MYO16: variants seen among roughly 807,000 people sequenced by gnomAD.
MYO16 encodes the protein myosin XVI.
MYO16 carries 94 observed loss-of-function variants against 205.3 expected under a neutral mutation model. The ratio of observed to expected loss-of-function variants is 0.46; its 90% confidence interval spans 0.39 to 0.54. MYO16 has a LOEUF of 0.54. Ranked by LOEUF, MYO16 falls within the 20% of genes least tolerant of loss-of-function variation. The pLI, the probability that MYO16 is intolerant of heterozygous loss-of-function variation, is 0.00. For synonymous variants in MYO16, 988 were observed against 954.0 expected (o/e 1.04, Z -0.66); for missense variants, 2,315 against 2,387.5 (o/e 0.97, Z 0.63).
chr13:108,860,350 T>C (rs762323042), intron 11 of MYO16, among the ~76,000 whole-genome samples: 1 of 152,220 alleles, frequency 6.6e-6, no homozygotes, highest in Non-Finnish European at 1.5e-5. Context: ...TTGTTCTTTT[T>C]TATGGCTGCA....
In MYO16 at chr13:109,206,837, TGTG is replaced by T. The variant is rs562949864; in HGVS notation, c.*3_*5del. ...TGAGCTCTGGGACACCACCATTTGA[TGTG>T]GCCTGAACTGCAGACTTACAAAATA... On this transcript the variant is annotated 3_prime_UTR_variant, in exon 35 of 35. Transcript: ENST00000457511. 14 of 1,613,344 alleles carry T rather than the reference TGTG, an allele frequency of 8.7e-6. No homozygotes were observed. The highest frequency in any genetic ancestry group is 1.1e-5 in the Non-Finnish European group (13 of 1,179,610).
At chr13:108,909,120 A>G (rs1881143478) in intron 15 of MYO16, among the ~76,000 whole-genome samples, 2 of 152,204 alleles carry the variant, frequency 1.3e-5, no homozygotes, top group South Asian at 2.1e-4. Flanking sequence ...TGCCAAACAT[A>G]CAGTCATAAT....
chr13:109,089,627 A>G (rs1594075972), intron 27 of MYO16, among the ~76,000 whole-genome samples: 1 of 152,168 alleles, frequency 6.6e-6, no homozygotes, highest in Non-Finnish European at 1.5e-5. Context: ...CATCTCCCAT[A>G]TTGATTTAGA....
rs570689995 is a variant in MYO16 at position 109,031,861 on chromosome 13, G to A, written c.2796+11950G>A. 2.0e-5 allele frequency among the ~76,000 whole-genome samples: 3 copies of A among 152,286 alleles called. No individual in the cohort carries two copies. The South Asian group carries it at 6.2e-4, about 32-fold the overall frequency. ...ACTTGGCACTCACAGACCCAATTCAGTAACTAAGAACTGTAATCGTCAAAA... is the reference window on the plus strand; with the variant it reads ...ACTTGGCACTCACAGACCCAATTCAATAACTAAGAACTGTAATCGTCAAAA... On this transcript the variant is annotated intron_variant, in intron 23 of 34. Transcript: ENST00000457511.
intron 27 of MYO16, among the ~76,000 whole-genome samples, chr13:109,090,019 A>G (rs1888567336): frequency 1.3e-5 from 2 of 152,208 alleles, no homozygotes; most frequent in African/African-American, 2.4e-5. Flanking sequence ...CATGGGAAAG[A>G]CGTTTGCAGC....
intron 16 of MYO16, among the ~76,000 whole-genome samples, chr13:108,911,034 AACACACACAC>A (rs113296282): frequency 1.4e-5 from 2 of 138,448 alleles, no homozygotes; most frequent in African/African-American, 2.7e-5. Flanking sequence ...TATAGGAGAA[AACACACACAC>A]ACACACACAC....
the MYO16 span, among the ~76,000 whole-genome samples, chr13:108,578,738 C>G: frequency 6.6e-6 from 1 of 152,162 alleles, no homozygotes; most frequent in Non-Finnish European, 1.5e-5. Flanking sequence ...ATACACATCA[C>G]TAAGAGCATT....
intron 1 of MYO16, among the ~76,000 whole-genome samples, chr13:108,618,480 G>A (rs1879426774): frequency 6.6e-6 from 1 of 152,186 alleles, no homozygotes; most frequent in South Asian, 2.1e-4. Context: ...ACAGACAGGA[G>A]CACCTCACAG....
At chr13:108,873,911 A>C (rs1879198965) in intron 12 of MYO16, among the ~76,000 whole-genome samples, 1 of 152,378 alleles carries the variant, frequency 6.6e-6, no homozygotes, top group East Asian at 1.9e-4. Flanking sequence ...GAAAATAGAA[A>C]GCCAGATGTT....
chr13:109,171,552 A>T (rs1878923299), intron 33 of MYO16, among the ~76,000 whole-genome samples: 2 of 152,326 alleles, frequency 1.3e-5, no homozygotes, highest in African/African-American at 4.8e-5. Context: ...CACTTACTTT[A>T]ATTGCCATCC....
chr13:108,825,552 G>A (rs567346880), intron 9 of MYO16, among the ~76,000 whole-genome samples: 9 of 150,586 alleles, frequency 6.0e-5, no homozygotes, highest in African/African-American at 9.7e-5. Flanking sequence ...ATTGTATTGC[G>A]GTTTTAGCTT....
At chr13:109,067,605 C>T (rs994337265) in intron 27 of MYO16, among the ~76,000 whole-genome samples, 5 of 152,122 alleles carry the variant, frequency 3.3e-5, no homozygotes, top group Admixed American at 6.6e-5. Flanking sequence ...CACATCAGGA[C>T]GGCACTGTGA....
chr13:108,702,683 T>C (rs990913717), intron 2 of MYO16, among the ~76,000 whole-genome samples: 51 of 152,276 alleles, frequency 3.3e-4, no homozygotes, highest in Non-Finnish European at 4.6e-4. Context: ...TTTAATTATA[T>C]TTAAAACATA....
At chr13:108,926,720 G>A (rs1438980617) in intron 16 of MYO16, among the ~76,000 whole-genome samples, 5 of 152,232 alleles carry the variant, frequency 3.3e-5, no homozygotes, top group East Asian at 1.9e-4. Flanking sequence ...CAGTGCCATC[G>A]ACATTCACCA....
the MYO16 span, among the ~76,000 whole-genome samples, chr13:108,498,106 A>G: frequency 1.3e-5 from 2 of 152,212 alleles, no homozygotes; most frequent in African/African-American, 4.8e-5. Flanking sequence ...TGGAACTGTG[A>G]TATTTGAAAA....
Position 109,152,103 on chromosome 13 carries a change from C to T in MYO16, c.5164+10727C>T, listed in dbSNP as rs529252134. On this transcript the variant is annotated intron_variant, in intron 32 of 34. Coordinates refer to ENST00000457511, the MANE Select transcript of MYO16 (RefSeq NM_001198950.3). ...AGATCCTATAAGGCAAAATAGCATA[C>T]ATTTTTAAAATTTTTTATGAGAATT... is the stretch of plus-strand genomic sequence containing the variant. Among the ~76,000 whole-genome samples the T allele has an allele frequency of 4.6e-5, 7 of 152,266 alleles. No homozygotes were observed. In the South Asian group the frequency reaches 1.5e-3, roughly 32 times the overall value.
At chr13:109,058,967 CTT>C (rs770039917) in intron 27 of MYO16, among the ~76,000 whole-genome samples, 1 of 152,136 alleles carries the variant, frequency 6.6e-6, no homozygotes, top group Admixed American at 6.6e-5. Context: ...CAAGAAAACA[CTT>C]TGTTCATCCA....
At chr13:108,821,195 G>A (rs1356093691) in intron 8 of MYO16, among the ~76,000 whole-genome samples, 2 of 152,026 alleles carry the variant, frequency 1.3e-5, no homozygotes, top group Non-Finnish European at 2.9e-5. Flanking sequence ...TGACTTAAAT[G>A]TACTTTACTT....
chr13:108,921,862 A>G (rs1881759278), intron 16 of MYO16, among the ~76,000 whole-genome samples: 1 of 152,240 alleles, frequency 6.6e-6, no homozygotes. Context: ...TCTGTAGGCC[A>G]GGAGTAGCCT....
Sources: gnomAD v4.1 joint callset for allele counts (sites outside exome capture counted in the v4.1 genomes callset) on GRCh38, gnomAD v4.1.1 for gene constraint, MANE v1.5 for transcripts, NCBI Gene and HGNC (gene_info 2026-07-23, HGNC 2026-07-21) for gene names.